The following SUPT3H variants were observed in gnomAD, a reference collection of about 807,000 sequenced individuals.
The protein encoded by SUPT3H is transcription initiation protein SPT3 homolog.
Under a neutral mutation model 44.3 loss-of-function variants are expected in SUPT3H, and 44 were observed. That is an observed-to-expected ratio of 0.99 (90% CI 0.78 to 1.28). SUPT3H has a LOEUF of 1.28. SUPT3H is among the 50% of genes most tolerant of loss of function. The pLI is 0.00. For missense variants in SUPT3H, 380 were observed against 387.1 expected, an observed-to-expected ratio of 0.98 and a Z score of 0.15; for synonymous variants, 124 against 125.6, an observed-to-expected ratio of 0.99 and a Z score of 0.09.
intron 2 of SUPT3H, among the ~76,000 whole-genome samples, chr6:45,206,942 A>C (rs1763306471): frequency 6.6e-6 from 1 of 152,148 alleles, no homozygotes; most frequent in South Asian, 2.1e-4. Flanking sequence ...ATATGTGAAC[A>C]AGGAGTTCAG....
intron 2 of SUPT3H, among the ~76,000 whole-genome samples, chr6:45,229,226 G>A (rs1233958147): frequency 6.6e-6 from 1 of 151,592 alleles, no homozygotes; most frequent in Admixed American, 6.6e-5. Context: ...TTTTATTATT[G>A]CAGTAACCAT....
At chr6:44,916,448 T>C (rs914883240) in intron 10 of SUPT3H, among the ~76,000 whole-genome samples, 5 of 152,148 alleles carry the variant, frequency 3.3e-5, no homozygotes, top group Non-Finnish European at 7.4e-5. Context: ...AGTAAAATGG[T>C]ACTCAGAATG....
chr6:45,168,494 G>A (rs1810273298), intron 2 of SUPT3H, among the ~76,000 whole-genome samples: 1 of 152,054 alleles, frequency 6.6e-6, no homozygotes, highest in Non-Finnish European at 1.5e-5. Flanking sequence ...ATGTTCTCAG[G>A]ACCTCCTGAG....
At chr6:45,149,476 T>A (rs1036653431) in intron 2 of SUPT3H, among the ~76,000 whole-genome samples, 1 of 152,242 alleles carries the variant, frequency 6.6e-6, no homozygotes, top group Non-Finnish European at 1.5e-5. Context: ...TTACAACTTT[T>A]CCATTAGTTG....
Position 45,220,475 on chromosome 6 carries a change from A to G in SUPT3H, c.102-114469T>C, listed in dbSNP as rs558178918. On this transcript the variant is annotated intron_variant, in intron 2 of 10. Coordinates refer to ENST00000371459, the MANE Select transcript of SUPT3H (RefSeq NM_003599.4). ...ATGACAGCTAAAATTATTCATAATG[A>G]TAGAAGACTAAATGCTTTACCTCTA... Among the ~76,000 whole-genome samples the G allele has an allele frequency of 2.6e-5, 4 of 152,334 alleles. No homozygotes were observed. In the South Asian group the frequency reaches 8.3e-4, roughly 32 times the overall value.
At chr6:45,227,148 T>G (rs1767099258) in intron 2 of SUPT3H, among the ~76,000 whole-genome samples, 1 of 151,626 alleles carries the variant, frequency 6.6e-6, no homozygotes, top group Non-Finnish European at 1.5e-5. Context: ...CAGCCAAAAT[T>G]ATCAAATTTT....
chr6:44,933,806 G>A (rs562424069), intron 9 of SUPT3H, among the ~76,000 whole-genome samples: 19 of 152,196 alleles, frequency 1.2e-4, no homozygotes, highest in Admixed American at 1.1e-3. Context: ...ACCACATATG[G>A]CTAAAAAAAA....
intron 2 of SUPT3H, among the ~76,000 whole-genome samples, chr6:45,112,660 CTGAT>C (rs1800241031): frequency 6.6e-6 from 1 of 152,020 alleles, no homozygotes; most frequent in Non-Finnish European, 1.5e-5. Context: ...AGGGGAAGGG[CTGAT>C]TAAGTTTTAA....
chr6:44,903,441 T>C (rs1765445190), intron 10 of SUPT3H, among the ~76,000 whole-genome samples: 1 of 152,142 alleles, frequency 6.6e-6, no homozygotes, highest in African/African-American at 2.4e-5. Context: ...AAGAAATGGA[T>C]AAATTCCTGG....
chr6:44,949,524 G>A (rs1190273779), intron 9 of SUPT3H, among the ~76,000 whole-genome samples: 2 of 151,710 alleles, frequency 1.3e-5, no homozygotes, highest in African/African-American at 4.8e-5. Context: ...AGAAAAATAT[G>A]TGAAAAATAT....
At chr6:45,285,386 G>C (rs535695003) in intron 2 of SUPT3H, among the ~76,000 whole-genome samples, 1 of 152,162 alleles carries the variant, frequency 6.6e-6, no homozygotes, top group African/African-American at 2.4e-5. Flanking sequence ...ATTGTCAACT[G>C]CAGCAAAGTC....
chr6:45,048,665 G>A (rs370054259), intron 3 of SUPT3H, among the ~76,000 whole-genome samples: 3 of 152,048 alleles, frequency 2.0e-5, no homozygotes, highest in African/African-American at 7.2e-5. Context: ...GTGGGTAAAC[G>A]GATAAAGAAA....
chr6:44,838,594 T>C (rs1770367747), intron 10 of SUPT3H, among the ~76,000 whole-genome samples: 1 of 152,142 alleles, frequency 6.6e-6, no homozygotes, highest in Admixed American at 6.5e-5. Context: ...TGCCAATCTA[T>C]AGGCTAGTCA....
chr6:45,208,099 G>A (rs1763478135), intron 2 of SUPT3H, among the ~76,000 whole-genome samples: 1 of 152,186 alleles, frequency 6.6e-6, no homozygotes, highest in African/African-American at 2.4e-5. Flanking sequence ...CTACTCCAGT[G>A]AATACAAGAA....
intron 2 of SUPT3H, among the ~76,000 whole-genome samples, chr6:45,113,733 G>A (rs1408678188): frequency 2.0e-5 from 3 of 151,778 alleles, no homozygotes; most frequent in Non-Finnish European, 4.4e-5. Context: ...GGGAGGTTGA[G>A]GCAGGAGAGT....
At chr6:45,362,621 C>T (rs1204698166) in intron 2 of SUPT3H, among the ~76,000 whole-genome samples, 2 of 152,092 alleles carry the variant, frequency 1.3e-5, no homozygotes, top group African/African-American at 4.8e-5. Flanking sequence ...TAAAGAAATT[C>T]CTAAGGGCAA....
intron 2 of SUPT3H, among the ~76,000 whole-genome samples, chr6:45,350,018 T>C (rs899618357): frequency 2.0e-5 from 3 of 152,206 alleles, no homozygotes; most frequent in East Asian, 3.8e-4. Flanking sequence ...AAATATAAAG[T>C]AGTATTGCCA....
intron 2 of SUPT3H, among the ~76,000 whole-genome samples, chr6:45,124,476 C>G (rs1021545643): frequency 2.0e-5 from 3 of 151,614 alleles, no homozygotes. Context: ...AAACCCCCCC[C>G]TCTACTAAAA....
intron 6 of SUPT3H, among the ~76,000 whole-genome samples, chr6:44,988,231 A>T (rs561040016): frequency 6.6e-6 from 1 of 152,174 alleles, no homozygotes; most frequent in South Asian, 2.1e-4. Flanking sequence ...ACTAATACTG[A>T]TGATCTAGAA....
Sources: allele counts gnomAD v4.1 joint callset (sites outside exome capture counted in the v4.1 genomes callset), GRCh38; gene constraint gnomAD v4.1.1; transcripts MANE v1.5; gene names NCBI Gene and HGNC (gene_info 2026-07-23, HGNC 2026-07-21).